Variants in WSCD1 observed in about 807,000 individuals in gnomAD.
WSCD1 encodes the protein WSC domain sialate O sulfotransferase 1, also known as sialate:O-sulfotransferase 1.
Under a neutral mutation model 60.4 loss-of-function variants are expected in WSCD1, and 41 were observed. The ratio of observed to expected loss-of-function variants is 0.68; its 90% CI spans 0.53 to 0.88. The LOEUF is 0.88. WSCD1 is among the 40% of genes least tolerant of loss of function. WSCD1 has a pLI of 0.00. For synonymous variants in WSCD1, 361 were observed against 332.5 expected, an observed-to-expected ratio of 1.09 and a Z score of -0.93; for missense variants, 784 against 796.2, an observed-to-expected ratio of 0.98 and a Z score of 0.18.
Position 6,101,681 on chromosome 17 carries a change from G to A in WSCD1, c.849+6458G>A, listed in dbSNP as rs904640742. On this transcript the variant is annotated intron_variant, in intron 5 of 8. Transcript: ENST00000317744. The surrounding 1 kb of genome is among the most constrained non-coding windows in gnomAD (Gnocchi z 4.1). ...ATGTGTTTTTAAAGCCCAGTGAAAT[G>A]ATCTTGTCTAATTTCCTGTGATCGT... Among the ~76,000 whole-genome samples, 1 of 152,188 alleles carries A rather than the reference G, an allele frequency of 6.6e-6. No individual in the cohort carries two copies. Among genetic ancestry groups the A allele is most frequent in the African/African-American group, 2.4e-5 (1 of 41,444 alleles).
chr17:6,077,294 G>A (rs1597349207), intron 1 of WSCD1, among the ~76,000 whole-genome samples: 1 of 151,986 alleles, frequency 6.6e-6, no homozygotes, highest in African/African-American at 2.4e-5. Context: ...TCACCATGTT[G>A]GCCAGGATGG....
In WSCD1 at chr17:6,080,960, G is replaced by A; in HGVS notation, c.302G>A (p.Trp101Ter). Residue 101 changes from tryptophan (W) to a stop codon, truncating the protein, a stop_gained, in exon 2 of 9, where the codon TGG becomes TAG. Transcript: ENST00000317744. LOFTEE classifies it high-confidence loss of function. The surrounding 1 kb of genome is among the most constrained non-coding windows in gnomAD (Gnocchi z 6.6). ...ACCCGGCCCCGGCCCGGCCCCCGCT[G>A]GCTCCGGAGCCGCAACTCGGAGCTG... ...PLTRPRPGPR[W>*]LRSRNSELRQ... The A allele has an allele frequency of 6.4e-7, 1 of 1,557,162 alleles. No homozygotes were observed. The highest frequency in any genetic ancestry group is 8.7e-7 in the Non-Finnish European group (1 of 1,154,792).
chr17:6,087,168 AC>A (rs1019765608), intron 2 of WSCD1, among the ~76,000 whole-genome samples: 2 of 152,032 alleles, frequency 1.3e-5, no homozygotes, highest in African/African-American at 2.4e-5. Flanking sequence ...TTACATGCCT[AC>A]CCGCGTTTGC....
rs1366940783 is a variant in WSCD1 at position 6,110,526 on chromosome 17, G to C, written c.1010-245G>C. On this transcript the variant is annotated intron_variant, in intron 6 of 8. Coordinates refer to ENST00000317744, the MANE Select transcript of WSCD1 (RefSeq NM_015253.2). The surrounding 1 kb of genome is among the most constrained non-coding windows in gnomAD (Gnocchi z 4.8). ...CAGAATGGGAGTCGAGGGTCCATAG[G>C]GTGTCTGATTCCCATCTTACTCCTG... is the stretch of plus-strand genomic sequence containing the variant. Among the ~76,000 whole-genome samples the C allele has an allele frequency of 6.6e-6, 1 of 152,120 alleles. No individual in the cohort carries two copies. The highest frequency in any genetic ancestry group is 1.5e-5 in the Non-Finnish European group (1 of 68,014).
chr17:6,087,998 A>G lies in WSCD1; in HGVS notation c.436A>G (p.Ile146Val), dbSNP rs769262806. The G allele has an allele frequency of 2.5e-6, 4 of 1,613,698 alleles. No homozygotes were observed. The highest frequency in any genetic ancestry group is 3.3e-5 in the Admixed American group (2 of 60,022). ...RPAIHSRGTY[I>V]GCFSDDGHER... ...TGCTTCCCTTTCTGCAGGCACCTAC[A>G]TTGGATGCTTCAGTGACGATGGCCA... The change falls in exon 3 of 9, where the codon ATT becomes GTT. Residue 146 changes from isoleucine (I) to valine (V), a missense_variant. Ile to Val is a conservative substitution (Grantham distance 29). Transcript: ENST00000317744.
intron 5 of WSCD1, among the ~76,000 whole-genome samples, chr17:6,105,736 G>A (rs997319754): frequency 1.3e-5 from 2 of 152,196 alleles, no homozygotes; most frequent in South Asian, 2.1e-4. Flanking sequence ...AGATTGTGGG[G>A]CATCAACGTC....
intron 4 of WSCD1, among the ~76,000 whole-genome samples, chr17:6,092,222 G>A (rs1449631039): frequency 1.3e-5 from 2 of 151,546 alleles, no homozygotes; most frequent in Non-Finnish European, 2.9e-5. Flanking sequence ...GGGGAGGGCT[G>A]TCGAGTGAGT....
intron 5 of WSCD1, among the ~76,000 whole-genome samples, chr17:6,105,986 T>C (rs12945598): frequency 0.63 from 96,473 of 152,124 alleles, 31,490 homozygotes; most frequent in Middle Eastern, 0.74. Flanking sequence ...CAGCAGCTTC[T>C]GGTGCAATTG....
At chr17:6,120,179 T>C (rs1904572182) in intron 8 of WSCD1, 130 bp from the exon 9 acceptor site, 3 of 1,008,826 alleles carry the variant, frequency 3.0e-6, no homozygotes, top group Non-Finnish European at 2.9e-6. Flanking sequence ...CCATGGGGAA[T>C]GCCAGGTTGA....
In WSCD1 at chr17:6,070,574, G is replaced by T. The variant is rs1000980992; in HGVS notation, c.-367G>T. Reference sequence around the variant, plus strand: ...GGGGCTTCTGGGCTCCGGGCACTGCGGGGGGCTGCGGGCTCGGCGCCCGGG... The same window carrying T: ...GGGGCTTCTGGGCTCCGGGCACTGCTGGGGGCTGCGGGCTCGGCGCCCGGG... On this transcript the variant is annotated 5_prime_UTR_variant, in exon 1 of 9. Transcript: ENST00000317744. 3 of 148,884 alleles carry T rather than the reference G, an allele frequency of 2.0e-5. No homozygotes were observed. The highest frequency in any genetic ancestry group is 2.0e-4 in the East Asian group (1 of 5,082). The allele number at this position is 148,884 out of a possible 1,614,324, so 9.2% of individuals were successfully genotyped here.
intron 4 of WSCD1, among the ~76,000 whole-genome samples, chr17:6,091,173 C>T (rs1910015406): frequency 1.3e-5 from 2 of 152,290 alleles, no homozygotes; most frequent in Admixed American, 6.5e-5. Context: ...GGATTACAGG[C>T]GTGAGCCACG....
At position 6,090,409 on chromosome 17, in the gene WSCD1, A is replaced by C; in HGVS notation, c.631A>C (p.Asn211His). 6.2e-7 allele frequency: 1 copy of C among 1,612,476 alleles called. No homozygotes were observed. The highest frequency in any genetic ancestry group is 8.5e-7 in the Non-Finnish European group (1 of 1,179,332). The part of the protein sequence containing the change: ...PAVSVGLEEC[N>H]HECKGEKGSV... ...GGTGAGCGTGGGGCTGGAAGAGTGTAACCATGAGTGCAAAGGCGAGAAGGG... is the reference window on the plus strand; with the variant it reads ...GGTGAGCGTGGGGCTGGAAGAGTGTCACCATGAGTGCAAAGGCGAGAAGGG... The change falls in exon 4 of 9, where the codon AAC becomes CAC. Residue 211 changes from asparagine (N) to histidine (H), a missense_variant. Asn to His is a moderately conservative substitution (Grantham distance 68). Coordinates refer to ENST00000317744, the MANE Select transcript of WSCD1 (RefSeq NM_015253.2).
At chr17:6,088,191 T>A (rs900362110) in intron 3 of WSCD1, 87 bp downstream of exon 3, 4 of 1,148,914 alleles carry the variant, frequency 3.5e-6, no homozygotes, top group Non-Finnish European at 5.1e-6. Flanking sequence ...CAGCTACCAG[T>A]TGGCTGTCAT....
intron 5 of WSCD1, among the ~76,000 whole-genome samples, chr17:6,107,976 C>T (rs1000175510): frequency 6.6e-6 from 1 of 152,140 alleles, no homozygotes; most frequent in Non-Finnish European, 1.5e-5. Flanking sequence ...AGCGCAGGTG[C>T]CTCCTTGGCT....
intron 8 of WSCD1, 86 bp from the exon 9 acceptor site, chr17:6,120,223 C>G: frequency 1.4e-6 from 2 of 1,438,420 alleles, no homozygotes; most frequent in Non-Finnish European, 1.9e-6. Flanking sequence ...ACCCTGCCCA[C>G]TTCCCTCTCC....
chr17:6,070,329 G>A (rs1163173342), upstream of WSCD1: 1 of 148,016 alleles, frequency 6.8e-6, no homozygotes, highest in Non-Finnish European at 1.5e-5. Flanking sequence ...GGCGCCTCTA[G>A]GACCCGGCGG....
intron 5 of WSCD1, among the ~76,000 whole-genome samples, chr17:6,105,276 C>T (rs558120266): frequency 3.9e-5 from 6 of 152,296 alleles, no homozygotes; most frequent in South Asian, 2.1e-4. Context: ...TTTCTGCCCT[C>T]GGACACAGGC....
At chr17:6,083,219 G>A (rs966298947) in intron 2 of WSCD1, among the ~76,000 whole-genome samples, 6 of 152,210 alleles carry the variant, frequency 3.9e-5, no homozygotes, top group African/African-American at 7.2e-5. Flanking sequence ...AAATGCACAC[G>A]TTTTAAAAAT....
At chr17:6,104,295 C>A (rs1335137578) in intron 5 of WSCD1, among the ~76,000 whole-genome samples, 1 of 152,230 alleles carries the variant, frequency 6.6e-6, no homozygotes, top group African/African-American at 2.4e-5. Flanking sequence ...GCCCCACCTC[C>A]AACATTGGGG....
Sources: allele counts gnomAD v4.1 joint callset (sites outside exome capture counted in the v4.1 genomes callset), GRCh38; gene constraint gnomAD v4.1.1; non-coding constraint Gnocchi (gnomAD v3.1); transcripts MANE v1.5; gene names NCBI Gene and HGNC (gene_info 2026-07-23, HGNC 2026-07-21).